The following PARP15 variants were observed in gnomAD, a reference collection of about 807,000 sequenced individuals.
PARP15 encodes poly(ADP-ribose) polymerase family member 15.
Under a neutral mutation model 62.1 loss-of-function variants are expected in PARP15, and 50 were observed. The ratio of observed to expected loss-of-function variants is 0.81; its 90% CI spans 0.64 to 1.02. The LOEUF (loss-of-function observed/expected upper bound fraction) is 1.02, where lower values mean the gene tolerates loss of function less well. PARP15 is among the 50% of genes least tolerant of loss of function. The pLI is 0.00. For synonymous variants in PARP15, 309 were observed against 293.1 expected (o/e 1.05, Z -0.55); for missense variants, 820 against 826.5 (o/e 0.99, Z 0.10).
At chr3:122,632,687 T>C (rs1937127776) in intron 10 of PARP15, among the ~76,000 whole-genome samples, 1 of 152,218 alleles carries the variant, frequency 6.6e-6, no homozygotes, top group East Asian at 1.9e-4. Context: ...TCACAACCCA[T>C]AGAAGACAAC....
intron 2 of PARP15, among the ~76,000 whole-genome samples, chr3:122,608,725 C>A (rs1279641107): frequency 6.8e-6 from 1 of 148,050 alleles, no homozygotes; most frequent in Non-Finnish European, 1.5e-5. Flanking sequence ...TTAACAATGT[C>A]TTTTGATTAT....
chr3:122,632,350 A>G (rs1277231183), intron 10 of PARP15, 131 bp downstream of exon 10: 1 of 862,740 alleles, frequency 1.2e-6, no homozygotes, highest in South Asian at 1.8e-5. Context: ...GACTTACTCA[A>G]GTTCCATAGA....
intron 4 of PARP15, chr3:122,615,315 C>T (rs1042328579): frequency 2.3e-6 from 3 of 1,290,258 alleles, no homozygotes; most frequent in East Asian, 1.1e-4. Flanking sequence ...AGAGATGAAG[C>T]ATACTGTATG....
chr3:122,593,293 C>T (rs1033247227), intron 1 of PARP15, among the ~76,000 whole-genome samples: 2 of 152,070 alleles, frequency 1.3e-5, no homozygotes, highest in African/African-American at 4.8e-5. Flanking sequence ...TGCCCGCCAC[C>T]ATGCCTGGCT....
At position 122,621,507 on chromosome 3, in the gene PARP15, T is replaced by C; in HGVS notation, c.1127T>C (p.Ile376Thr). 1 of 1,614,056 alleles carries C rather than the reference T, an allele frequency of 6.2e-7. No homozygotes were observed. Among genetic ancestry groups the C allele is most frequent in the Non-Finnish European group, 8.5e-7 (1 of 1,179,962 alleles). The change falls in exon 8 of 12, where the codon ATT becomes ACT. Residue 376 changes from isoleucine to threonine, a missense_variant. Transcript: ENST00000464300. ...GGATGCTTAAAGTGCAAAATAATAA[T>C]TCATGTTCCTGGGGGAAAAGATGTC... The part of the protein sequence containing the change: ...PGGCLKCKII[I>T]HVPGGKDVRK...
At chr3:122,610,458 T>A in intron 2 of PARP15, 36 bp from the exon 3 acceptor site, 1 of 1,492,258 alleles carries the variant, frequency 6.7e-7, no homozygotes, top group Middle Eastern at 1.7e-4. Flanking sequence ...TTATGTATTA[T>A]TGATTCAATC....
intron 1 of PARP15, among the ~76,000 whole-genome samples, chr3:122,600,006 G>C (rs56403667): frequency 0.024 from 3,668 of 152,206 alleles, 55 homozygotes; most frequent in Middle Eastern, 0.041. Context: ...ATCAAATTAA[G>C]AACAAATGGG....
At position 122,638,044 on chromosome 3, in the gene PARP15, G is replaced by A. The variant is rs542747572; in HGVS notation, c.*1944G>A. ...AATTCCCACCTGTGAGTGAGAACAT[G>A]TGGTGTTTGGTTTTTTGTCCTTGCG... is the stretch of plus-strand genomic sequence containing the variant. On this transcript the variant is annotated 3_prime_UTR_variant, in exon 12 of 12. Coordinates refer to ENST00000464300, the MANE Select transcript of PARP15 (RefSeq NM_001113523.3). 20 of 152,132 alleles carry A rather than the reference G, an allele frequency of 1.3e-4. No individual in the cohort carries two copies. Among genetic ancestry groups the A allele is most frequent in the African/African-American group, 4.1e-4 (17 of 41,504 alleles). The allele number at this position is 152,132 out of a possible 1,614,324, so 9.4% of individuals were successfully genotyped here.
chr3:122,613,078 T>C lies in PARP15; in HGVS notation c.581T>C (p.Val194Ala). The C allele has an allele frequency of 6.4e-7, 1 of 1,551,894 alleles. No individual in the cohort carries two copies. The highest frequency in any genetic ancestry group is 2.4e-5 in the East Asian group (1 of 40,930). The stretch of plus-strand genomic sequence containing the variant: ...ATAATCAAGAAATGTTTGACAACTG[T>C]AGAAGTGCTATCTTTCTCATCAATC... ...ANIIKKCLTT[V>A]EVLSFSSITF... Residue 194 changes from valine (V) to alanine (A), a missense_variant, in exon 4 of 12, where the codon GTA (valine) becomes GCA (alanine). Val to Ala is a moderately conservative substitution (Grantham distance 64). Coordinates refer to ENST00000464300, the MANE Select transcript of PARP15 (RefSeq NM_001113523.3).
chr3:122,626,196 CTT>C (rs34106420), intron 8 of PARP15, among the ~76,000 whole-genome samples: 20,786 of 121,334 alleles, frequency 0.17, 1,321 homozygotes, highest in African/African-American at 0.21. Context: ...AGCTGTCACT[CTT>C]TTTTTTTTTT....
chr3:122,596,678 G>C (rs1331467425), intron 1 of PARP15, among the ~76,000 whole-genome samples: 1 of 152,102 alleles, frequency 6.6e-6, no homozygotes, highest in Non-Finnish European at 1.5e-5. Context: ...TTCTTGAAGG[G>C]TTTACCATGC....
intron 1 of PARP15, 22 bp from the exon 2 acceptor site, chr3:122,605,914 T>A: frequency 6.5e-7 from 1 of 1,549,160 alleles, no homozygotes; most frequent in Non-Finnish European, 8.7e-7. Flanking sequence ...TTGCTGGTAA[T>A]GCTTTACTGT....
intron 1 of PARP15, among the ~76,000 whole-genome samples, chr3:122,595,945 G>T (rs1934305701): frequency 6.6e-6 from 1 of 151,870 alleles, no homozygotes; most frequent in Admixed American, 6.6e-5. Flanking sequence ...CTAGGATCTA[G>T]TGGCATTAAA....
intron 1 of PARP15, among the ~76,000 whole-genome samples, chr3:122,595,253 T>C (rs1934241597): frequency 6.6e-6 from 1 of 152,176 alleles, no homozygotes; most frequent in Non-Finnish European, 1.5e-5. Context: ...TGCTTCCCTT[T>C]GCAGCAAAAT....
intron 1 of PARP15, among the ~76,000 whole-genome samples, chr3:122,601,634 A>G (rs1934803555): frequency 6.6e-6 from 1 of 152,160 alleles, no homozygotes; most frequent in Admixed American, 6.5e-5. Context: ...ATAATATTCT[A>G]TCGTATGGAA....
In PARP15 at chr3:122,638,854, C is replaced by G. The variant is rs1356076725; in HGVS notation, c.*2754C>G. 1.3e-5 allele frequency: 2 copies of G among 152,016 alleles called. No homozygotes were observed. Among genetic ancestry groups the G allele is most frequent in the South Asian group, 2.1e-4 (1 of 4,818 alleles). The allele number at this position is 152,016 out of a possible 1,614,324, so 9.4% of individuals were successfully genotyped here. A position where few individuals can be genotyped will look rare whatever the true frequency, so the allele number is the denominator to read the frequency against. On this transcript the variant is annotated 3_prime_UTR_variant, in exon 12 of 12. Coordinates refer to ENST00000464300, the MANE Select transcript of PARP15 (RefSeq NM_001113523.3). ...TTCATTAAACATTACAAGTTGTTCT[C>G]TTGTGTTCTTATTTTTTCTGTAAAC...
chr3:122,612,719 C>T (rs182135951), intron 3 of PARP15, among the ~76,000 whole-genome samples: 105 of 152,010 alleles, frequency 6.9e-4, no homozygotes, highest in South Asian at 3.3e-3. Context: ...GGAGCCACCG[C>T]GCCCTGCCAA....
intron 1 of PARP15, among the ~76,000 whole-genome samples, chr3:122,604,893 G>T (rs1417764049): frequency 6.6e-6 from 1 of 151,762 alleles, no homozygotes; most frequent in Non-Finnish European, 1.5e-5. Flanking sequence ...GAAATTAGCG[G>T]GGTGTGGTGG....
chr3:122,582,944 C>CT (rs1305634367), intron 1 of PARP15, among the ~76,000 whole-genome samples: 1 of 143,214 alleles, frequency 7.0e-6, no homozygotes, highest in Non-Finnish European at 1.5e-5. Context: ...TGTTTTTTTT[C>CT]TTTTTTACCT....
Sources: allele counts gnomAD v4.1 joint callset (sites outside exome capture counted in the v4.1 genomes callset), GRCh38; gene constraint gnomAD v4.1.1; transcripts MANE v1.5; gene names NCBI Gene and HGNC (gene_info 2026-07-23, HGNC 2026-07-21).